PPP2R2A: variants seen among roughly 807,000 people sequenced by gnomAD.
PPP2R2A encodes the protein protein phosphatase 2 regulatory subunit Balpha.
In PPP2R2A, 9 loss-of-function variants were observed where a neutral mutation model predicts 53.2. That is an observed-to-expected ratio of 0.17 (90% CI 0.10 to 0.30). The LOEUF (loss-of-function observed/expected upper bound fraction) is 0.30, where lower values mean the gene tolerates loss of function less well. Ranked by LOEUF, PPP2R2A falls within the 10% of genes least tolerant of loss-of-function variation. The pLI is 1.00. For synonymous variants in PPP2R2A, 169 were observed against 174.2 expected, an observed-to-expected ratio of 0.97 and a Z score of 0.23; for missense variants, 235 against 534.6, an observed-to-expected ratio of 0.44 and a Z score of 5.53.
In PPP2R2A at chr8:26,325,893, G is replaced by A. The variant is rs147270291; in HGVS notation, c.83-12997G>A. ...CTGTCACCCAGGCTGGAGTGTGGTG[G>A]CGTGAGATCTTGGCTCACAGCAGTC... On this transcript the variant is annotated intron_variant, in intron 2 of 9. Transcript: ENST00000380737. 2.6e-5 allele frequency among the ~76,000 whole-genome samples: 4 copies of A among 152,170 alleles called. No homozygotes were observed. In the East Asian group the frequency reaches 7.7e-4, roughly 29 times the overall value.
At chr8:26,310,137 T>A (rs1045324589) in intron 2 of PPP2R2A, among the ~76,000 whole-genome samples, 2 of 143,604 alleles carry the variant, frequency 1.4e-5, no homozygotes, top group Non-Finnish European at 3.0e-5. Context: ...AAAAATTAGC[T>A]GGGTGTGGTG....
chr8:26,292,308 A>G, intron 1 of PPP2R2A: 1 of 989,568 alleles, frequency 1.0e-6, no homozygotes, highest in Non-Finnish European at 1.2e-6. Context: ...GTTAAAATAC[A>G]GTGGGGGCAT....
In PPP2R2A at chr8:26,291,540, GCCTGCC is replaced by G; in HGVS notation, c.-273_-268del. On this transcript the variant is annotated 5_prime_UTR_variant, in exon 1 of 10. Coordinates refer to ENST00000380737, the MANE Select transcript of PPP2R2A (RefSeq NM_002717.4). ...CCGGCGCCATTTTGAAAGTGGAGTC[GCCTGCC>G]CCTGCCGCTGCCGCCGCCGCCGTCG... 2.0e-6 allele frequency: 1 copy of G among 505,008 alleles called. No homozygotes were observed. The highest frequency in any genetic ancestry group is 3.5e-6 in the Non-Finnish European group (1 of 284,116). The allele number at this position is 505,008 out of a possible 1,614,324, so 31.3% of individuals were successfully genotyped here.
intron 1 of PPP2R2A, chr8:26,293,286 A>G (rs1464594919): frequency 2.6e-6 from 4 of 1,531,678 alleles, no homozygotes; most frequent in Non-Finnish European, 3.5e-6. Context: ...GTTTCATGGT[A>G]GTTTAACCTT....
At chr8:26,310,293 A>AC (rs1208474459) in intron 2 of PPP2R2A, among the ~76,000 whole-genome samples, 1 of 24,976 alleles carries the variant, frequency 4.0e-5, no homozygotes, top group Non-Finnish European at 8.4e-5. Context: ...AAAAAAAAAA[A>AC]AAAAAACACA....
Position 26,370,548 on chromosome 8 carries a change from A to T in PPP2R2A, c.*135A>T. On this transcript the variant is annotated 3_prime_UTR_variant, in exon 10 of 10. Coordinates refer to ENST00000380737, the MANE Select transcript of PPP2R2A (RefSeq NM_002717.4). This position sits in a 1 kb window ranked among gnomAD's most constrained non-coding sequence, Gnocchi z 6.1. ...TTGACAGTGTGCCATTCGACAACAC[A>T]TTGTTATAGCTACATGGAGAAAGCT... is the stretch of plus-strand genomic sequence containing the variant. 1 of 968,458 alleles carries T rather than the reference A, an allele frequency of 1.0e-6. No homozygotes were observed. The highest frequency in any genetic ancestry group is 1.5e-6 in the Non-Finnish European group (1 of 655,832). 60.0% of individuals were successfully genotyped at this position (968,458 alleles called of 1,614,324 possible).
At chr8:26,304,004 C>T (rs1338621925) in intron 2 of PPP2R2A, among the ~76,000 whole-genome samples, 2 of 152,202 alleles carry the variant, frequency 1.3e-5, no homozygotes, top group African/African-American at 4.8e-5. Context: ...AATGATCTCT[C>T]TTTTTCCAGT....
chr8:26,314,997 A>G (rs1802478251), intron 2 of PPP2R2A, among the ~76,000 whole-genome samples: 1 of 148,176 alleles, frequency 6.7e-6, no homozygotes, highest in Admixed American at 6.9e-5. Context: ...TGCATTTTTA[A>G]GAGCTCTTTT....
intron 2 of PPP2R2A, among the ~76,000 whole-genome samples, chr8:26,304,256 T>G (rs1263295584): frequency 5.3e-5 from 8 of 151,764 alleles, no homozygotes; most frequent in African/African-American, 1.9e-4. Flanking sequence ...ATACCAGACT[T>G]GACAGATTTA....
chr8:26,349,266 TTTG>T (rs1804373792), intron 3 of PPP2R2A, among the ~76,000 whole-genome samples: 1 of 152,192 alleles, frequency 6.6e-6, no homozygotes, highest in African/African-American at 2.4e-5. Flanking sequence ...GGATTTTTGT[TTTG>T]TTTTACAGAA....
At chr8:26,350,881 G>C (rs892487234) in intron 3 of PPP2R2A, among the ~76,000 whole-genome samples, 5 of 152,134 alleles carry the variant, frequency 3.3e-5, no homozygotes, top group African/African-American at 1.2e-4. Context: ...TCCAGGGGCA[G>C]TGGCTCACGC....
intron 3 of PPP2R2A, among the ~76,000 whole-genome samples, chr8:26,344,794 G>A (rs1007944452): frequency 4.6e-5 from 7 of 152,154 alleles, no homozygotes; most frequent in African/African-American, 1.4e-4. Context: ...AATTTTACCC[G>A]TTGAGCAGAA....
At chr8:26,352,727 T>A (rs918588754) in intron 3 of PPP2R2A, among the ~76,000 whole-genome samples, 1 of 152,202 alleles carries the variant, frequency 6.6e-6, no homozygotes, top group African/African-American at 2.4e-5. Flanking sequence ...TGTGTTGTTG[T>A]CCACGAGTCT....
At chr8:26,335,925 T>TA (rs1332130808) in intron 2 of PPP2R2A, among the ~76,000 whole-genome samples, 1 of 152,228 alleles carries the variant, frequency 6.6e-6, no homozygotes, top group Admixed American at 6.5e-5. Flanking sequence ...TAAGAAGTGA[T>TA]ACGTTATTGG....
At chr8:26,315,265 G>A (rs1203345354) in intron 2 of PPP2R2A, among the ~76,000 whole-genome samples, 4 of 151,966 alleles carry the variant, frequency 2.6e-5, no homozygotes, top group Admixed American at 1.3e-4. Context: ...AGAGATATTC[G>A]GCTGGTGGGC....
At chr8:26,336,440 A>C (rs1264276861) in intron 2 of PPP2R2A, among the ~76,000 whole-genome samples, 2 of 151,786 alleles carry the variant, frequency 1.3e-5, no homozygotes, top group Non-Finnish European at 2.9e-5. Context: ...AAAAATAATA[A>C]ATTGGCGTGG....
At chr8:26,298,030 A>G (rs975069733) in intron 2 of PPP2R2A, among the ~76,000 whole-genome samples, 2 of 152,330 alleles carry the variant, frequency 1.3e-5, no homozygotes, top group Middle Eastern at 3.4e-3. Flanking sequence ...AAAAAAACAT[A>G]CTGTAAAAAG....
chr8:26,326,675 G>A (rs564628685), intron 2 of PPP2R2A, among the ~76,000 whole-genome samples: 1 of 152,250 alleles, frequency 6.6e-6, no homozygotes, highest in Admixed American at 6.5e-5. Context: ...GTTTCATACT[G>A]TACTACTTGT....
At chr8:26,329,094 A>G (rs944964019) in intron 2 of PPP2R2A, among the ~76,000 whole-genome samples, 4 of 152,140 alleles carry the variant, frequency 2.6e-5, no homozygotes, top group Admixed American at 6.5e-5. Context: ...TTAGATTCCT[A>G]TAAAACTTTT....
Sources: gnomAD v4.1 joint callset for allele counts (sites outside exome capture counted in the v4.1 genomes callset) on GRCh38, gnomAD v4.1.1 for gene constraint, Gnocchi (gnomAD v3.1) non-coding constraint, MANE v1.5 for transcripts, NCBI Gene and HGNC (gene_info 2026-07-23, HGNC 2026-07-21) for gene names.